RIMBP2: variants seen among roughly 807,000 people sequenced by gnomAD.
The protein encoded by RIMBP2 is RIMS binding protein 2.
In RIMBP2, 48 loss-of-function variants were observed where a neutral mutation model predicts 118.6. The observed-to-expected ratio is 0.40, with a 90% CI of 0.32 to 0.51. The LOEUF (loss-of-function observed/expected upper bound fraction) is 0.51. RIMBP2 is among the 20% of genes least tolerant of loss of function. The pLI is 0.41. For synonymous variants in RIMBP2, 762 were observed against 742.9 expected (o/e 1.03, Z -0.42); for missense variants, 1,551 against 1,768.3 (o/e 0.88, Z 2.20).
chr12:130,468,407 C>T (rs1317233095), intron 6 of RIMBP2, among the ~76,000 whole-genome samples: 2 of 152,214 alleles, frequency 1.3e-5, no homozygotes, highest in East Asian at 3.9e-4. Context: ...TGAGAAGCCA[C>T]TTTGCTCACA....
At chr12:130,570,081 T>C (rs186449793) in intron 2 of RIMBP2, among the ~76,000 whole-genome samples, 12 of 152,302 alleles carry the variant, frequency 7.9e-5, no homozygotes, top group African/African-American at 2.9e-4. Flanking sequence ...CCGGATCTGC[T>C]TGACAGGAAG....
intron 1 of RIMBP2, among the ~76,000 whole-genome samples, chr12:130,646,142 A>T (rs1358752609): frequency 0.012 from 476 of 38,102 alleles, 35 homozygotes; most frequent in African/African-American, 0.025. Context: ...CACCTCCCTC[A>T]CCACCTGCCT....
rs372747392 is a variant in RIMBP2 at position 130,428,245 on chromosome 12, A to G, written c.2346T>C (p.Tyr782=). ...CCCCATCTTCCAGCTGCATTTCAGA[A>G]TACAGCTCCTCCTCGTCCTCCTCCA... The part of the protein sequence containing the change: ...DIMEEDEEEL[Y]SEMQLEDGGR... The change falls in exon 15 of 23, where the codon TAT becomes TAC. Residue 782 remains tyrosine (Y), a synonymous_variant. Transcript: ENST00000690449. 6.2e-6 allele frequency: 10 copies of G among 1,613,454 alleles called. No individual in the cohort carries two copies. Among genetic ancestry groups the G allele is most frequent in the African/African-American group, 1.3e-5 (1 of 74,898 alleles).
At chr12:130,435,923 C>T (rs921135600) in intron 13 of RIMBP2, among the ~76,000 whole-genome samples, 2 of 152,174 alleles carry the variant, frequency 1.3e-5, no homozygotes, top group East Asian at 3.9e-4. Flanking sequence ...GTGCGTGCCC[C>T]GCCTCGGTTT....
chr12:130,424,948 G>C lies in RIMBP2; in HGVS notation c.2413-90C>G. On this transcript the variant is annotated intron_variant, in intron 15 of 22. Coordinates refer to ENST00000690449, the MANE Select transcript of RIMBP2 (RefSeq NM_001393629.1). The surrounding 1 kb of genome is among the most constrained non-coding windows in gnomAD (Gnocchi z 9.8). The stretch of plus-strand genomic sequence containing the variant: ...CAGGGGAGGAAAGAAAATACAGACA[G>C]AATTAGTCCTGGAGGCACCGAGGGG... The C allele has an allele frequency of 4.0e-6, 3 of 754,214 alleles. No homozygotes were observed. Among genetic ancestry groups the C allele is most frequent in the Non-Finnish European group, 5.4e-6 (3 of 555,714 alleles). The allele number at this position is 754,214 out of a possible 1,614,324, so 46.7% of individuals were successfully genotyped here.
At chr12:130,528,125 A>G (rs1021521409) in intron 2 of RIMBP2, among the ~76,000 whole-genome samples, 2 of 152,228 alleles carry the variant, frequency 1.3e-5, no homozygotes, top group Non-Finnish European at 2.9e-5. Flanking sequence ...AAATCATTCT[A>G]TTATAAAGAT....
At chr12:130,641,070 C>G (rs1294455616) in intron 1 of RIMBP2, among the ~76,000 whole-genome samples, 1 of 152,206 alleles carries the variant, frequency 6.6e-6, no homozygotes, top group African/African-American at 2.4e-5. Flanking sequence ...AAACCGCAGT[C>G]TTGCCATCAT....
At chr12:130,478,830 G>A (rs552229292) in intron 5 of RIMBP2, 82 bp downstream of exon 5, 28 of 986,840 alleles carry the variant, frequency 2.8e-5, no homozygotes, top group Non-Finnish European at 4.1e-5. Flanking sequence ...GCCGCAGGTC[G>A]GCCGCTCCAC....
chr12:130,621,646 T>C lies in RIMBP2; in HGVS notation c.-217+6676A>G, dbSNP rs147662694. Among the ~76,000 whole-genome samples, 27 of 152,342 alleles carry C rather than the reference T, an allele frequency of 1.8e-4. No individual in the cohort carries two copies. The highest frequency in any genetic ancestry group is 6.0e-4 in the African/African-American group (25 of 41,574). On this transcript the variant is annotated intron_variant, in intron 2 of 22. Coordinates refer to ENST00000690449, the MANE Select transcript of RIMBP2 (RefSeq NM_001393629.1). This position sits in a 1 kb window ranked among gnomAD's most constrained non-coding sequence, Gnocchi z 6.6. ...GGCTATATCAGCAGCCTCATTTATG[T>C]GTCCTGCAGAACAAAAGGAGCAAGT...
Position 130,442,423 on chromosome 12 carries a change from C to T in RIMBP2, c.929G>A (p.Gly310Glu). The change falls in exon 11 of 23, where the codon GGA (glycine) becomes GAA (glutamate). Residue 310 changes from glycine (G) to glutamate (E), a missense_variant. Physicochemically the swap from Gly to Glu is moderately conservative, Grantham distance 98. Transcript: ENST00000690449. The surrounding 1 kb of genome is among the most constrained non-coding windows in gnomAD (Gnocchi z 6.9). Reference sequence around the variant, plus strand: ...TCTAGGGTAAGGCACGATGTCTTCTCCGATGTCGTCGATGTTCACGTCCAG... The same window carrying T: ...TCTAGGGTAAGGCACGATGTCTTCTTCGATGTCGTCGATGTTCACGTCCAG... ...GTLDVNIDDI[G>E]EDIVPYPRKI... is the part of the protein sequence containing the mutation. 1 of 1,614,156 alleles carries T rather than the reference C, an allele frequency of 6.2e-7. No homozygotes were observed. Among genetic ancestry groups the T allele is most frequent in the South Asian group, 1.1e-5 (1 of 91,070 alleles).
intron 2 of RIMBP2, among the ~76,000 whole-genome samples, chr12:130,602,257 A>G (rs2059920792): frequency 6.6e-6 from 1 of 152,226 alleles, no homozygotes; most frequent in Non-Finnish European, 1.5e-5. Flanking sequence ...AGGTACCCAC[A>G]TTGTTCACAT....
chr12:130,489,072 C>T (rs565313027), intron 4 of RIMBP2, among the ~76,000 whole-genome samples: 31 of 152,238 alleles, frequency 2.0e-4, no homozygotes, highest in African/African-American at 6.5e-4. Context: ...GATTTCTGAA[C>T]GACCCTGGGA....
rs550552007 is a variant in RIMBP2, at chr12:130,621,341, G to T, written c.-217+6981C>A. Among the ~76,000 whole-genome samples the T allele has an allele frequency of 6.6e-6, 1 of 152,166 alleles. No individual in the cohort carries two copies. The stretch of plus-strand genomic sequence containing the variant: ...TATGATAATACAATGTGGGAACAGC[G>T]CCAGGCCTGTGAACTCCAAGTGCAC... On this transcript the variant is annotated intron_variant, in intron 2 of 22. Transcript: ENST00000690449. This position sits in a 1 kb window ranked among gnomAD's most constrained non-coding sequence, Gnocchi z 6.6.
chr12:130,488,802 C>G (rs1017025582), intron 4 of RIMBP2, among the ~76,000 whole-genome samples: 18 of 152,288 alleles, frequency 1.2e-4, no homozygotes, highest in African/African-American at 4.3e-4. Flanking sequence ...GGGCTTTGGT[C>G]TGCAGAGATA....
chr12:130,705,338 C>T (rs908588496), intron 1 of RIMBP2, among the ~76,000 whole-genome samples: 3 of 152,200 alleles, frequency 2.0e-5, no homozygotes, highest in Non-Finnish European at 4.4e-5. Flanking sequence ...CCCGGCCAGT[C>T]ACCACGCAAC....
intron 4 of RIMBP2, among the ~76,000 whole-genome samples, chr12:130,486,151 C>T (rs1432401896): frequency 1.3e-5 from 2 of 152,136 alleles, no homozygotes; most frequent in East Asian, 1.9e-4. Flanking sequence ...TCCTGTCACT[C>T]GGCTGAGATT....
chr12:130,543,127 A>G (rs1329211398), intron 2 of RIMBP2, among the ~76,000 whole-genome samples: 1 of 152,220 alleles, frequency 6.6e-6, no homozygotes, highest in Admixed American at 6.5e-5. Context: ...GTCAGGCTAA[A>G]CGCCTTTCCA....
chr12:130,552,095 A>G (rs1168134202), intron 2 of RIMBP2, among the ~76,000 whole-genome samples: 1 of 152,266 alleles, frequency 6.6e-6, no homozygotes. Context: ...TATAAGATGC[A>G]TTCGCTAGTA....
At chr12:130,689,278 CA>C (rs1251446394) in intron 1 of RIMBP2, among the ~76,000 whole-genome samples, 3 of 152,054 alleles carry the variant, frequency 2.0e-5, no homozygotes, top group Non-Finnish European at 4.4e-5. Flanking sequence ...ACCAAAAATA[CA>C]AAAATTAGCT....
Sources: allele counts gnomAD v4.1 joint callset (sites outside exome capture counted in the v4.1 genomes callset), GRCh38; gene constraint gnomAD v4.1.1; non-coding constraint Gnocchi (gnomAD v3.1); transcripts MANE v1.5; gene names NCBI Gene and HGNC (gene_info 2026-07-23, HGNC 2026-07-21).